DPRX: variants seen among roughly 807,000 people sequenced by gnomAD.
DPRX encodes the protein divergent paired-related homeobox.
DPRX carries 11 observed loss-of-function variants against 8.4 expected under a neutral mutation model. The observed-to-expected ratio is 1.31, with a 90% CI of 0.82 to 2.17. The LOEUF (loss-of-function observed/expected upper bound fraction) is 2.17. Ranked by LOEUF, DPRX falls within the 30% of genes most tolerant of loss-of-function variation. The pLI is 0.00. For synonymous variants in DPRX, 72 were observed against 87.0 expected, an observed-to-expected ratio of 0.83 and a Z score of 0.96; for missense variants, 211 against 236.7, an observed-to-expected ratio of 0.89 and a Z score of 0.71.
the DPRX span, among the ~76,000 whole-genome samples, chr19:53,610,783 T>C: frequency 6.6e-6 from 1 of 152,198 alleles, no homozygotes; most frequent in Non-Finnish European, 1.5e-5. Flanking sequence ...TAGTGTATTT[T>C]ATGTGTACCC....
chr19:53,636,994 A>G (rs1470755152), exon 3 of DPRX: 2 of 1,584,176 alleles, frequency 1.3e-6, no homozygotes, highest in Non-Finnish European at 1.7e-6. Context: ...GATGATAAAT[A>G]CAAAAAGTCA....
chr19:53,616,710 C>T, the DPRX span: 14 of 1,064,714 alleles, frequency 1.3e-5, no homozygotes, highest in African/African-American at 1.7e-4. Context: ...GCCAAGATCG[C>T]ACCATTGCAT....
chr19:53,629,040 G>A (rs2091081286), upstream of DPRX, among the ~76,000 whole-genome samples: 1 of 151,704 alleles, frequency 6.6e-6, no homozygotes, highest in Admixed American at 6.6e-5. Flanking sequence ...GGGGCTTGGC[G>A]CAGTGGCTCA....
the DPRX span, among the ~76,000 whole-genome samples, chr19:53,603,003 A>ATGTGTG: frequency 0.011 from 1,685 of 147,918 alleles, 33 homozygotes; most frequent in African/African-American, 0.04. Context: ...GTGTATATGT[A>ATGTGTG]TGTGTGTGTG....
At chr19:53,615,437 C>G in the DPRX span, among the ~76,000 whole-genome samples, 1 of 151,772 alleles carries the variant, frequency 6.6e-6, no homozygotes, top group Non-Finnish European at 1.5e-5. Context: ...CGTGCCACCA[C>G]GCCTGGCTAA....
At chr19:53,620,585 G>A in the DPRX span, among the ~76,000 whole-genome samples, 7 of 151,016 alleles carry the variant, frequency 4.6e-5, no homozygotes, top group South Asian at 4.2e-4. Context: ...GGCTGGTCTC[G>A]AACTCCTGGC....
chr19:53,624,752 G>A, the DPRX span, among the ~76,000 whole-genome samples: 1 of 145,426 alleles, frequency 6.9e-6, no homozygotes, highest in Non-Finnish European at 1.5e-5. Context: ...TGAGGCACGA[G>A]AATCGCTTGA....
the DPRX span, among the ~76,000 whole-genome samples, chr19:53,620,739 A>G: frequency 4.1e-4 from 63 of 151,966 alleles, 1 homozygote; most frequent in South Asian, 6.7e-3. Context: ...CCCAGGCTGG[A>G]GTGCAGTGGC....
upstream of DPRX, among the ~76,000 whole-genome samples, chr19:53,627,828 A>C (rs972631919): frequency 5.3e-5 from 8 of 151,190 alleles, no homozygotes; most frequent in African/African-American, 1.9e-4. Context: ...AGGCGGGGAG[A>C]TCACTTGCAA....
chr19:53,632,387 A>G (rs1600570550), intron 1 of DPRX, among the ~76,000 whole-genome samples: 1 of 150,946 alleles, frequency 6.6e-6, no homozygotes, highest in Non-Finnish European at 1.5e-5. Flanking sequence ...TGCAACCTCC[A>G]CCTCCCAGGT....
chr19:53,601,934 G>A, the DPRX span: 1 of 436,522 alleles, frequency 2.3e-6, no homozygotes, highest in Non-Finnish European at 4.6e-6. Flanking sequence ...AGAGTATTTA[G>A]AGCTTGAGGC....
At chr19:53,608,727 C>A in the DPRX span, among the ~76,000 whole-genome samples, 102,776 of 151,596 alleles carry the variant, frequency 0.68, 34,993 homozygotes, top group Admixed American at 0.74. Context: ...CTGAGGCGGG[C>A]GGATCACGAG....
chr19:53,617,380 A>G, the DPRX span: 20 of 445,910 alleles, frequency 4.5e-5, no homozygotes, highest in Non-Finnish European at 7.1e-5. Context: ...GCAACATGGT[A>G]AAACCCCATC....
chr19:53,636,516 T>C (rs1272631148), intron 2 of DPRX, 80 bp from the exon 3 acceptor site: 1 of 1,187,180 alleles, frequency 8.4e-7, no homozygotes, highest in Non-Finnish European at 1.1e-6. Flanking sequence ...AAAATAAAAA[T>C]TAAAAAGTAA....
At chr19:53,623,647 C>CA in the DPRX span, among the ~76,000 whole-genome samples, 1 of 142,292 alleles carries the variant, frequency 7.0e-6, no homozygotes. Flanking sequence ...TCAAAAAAAA[C>CA]AAAAAGCCAT....
chr19:53,611,982 G>A, the DPRX span, among the ~76,000 whole-genome samples: 1 of 152,072 alleles, frequency 6.6e-6, no homozygotes, highest in Non-Finnish European at 1.5e-5. Context: ...TACTCGGGAG[G>A]CTGAGACAGG....
At chr19:53,602,793 G>A in the DPRX span, among the ~76,000 whole-genome samples, 84 of 149,788 alleles carry the variant, frequency 5.6e-4, no homozygotes, top group African/African-American at 1.2e-3. Context: ...CCCGGCACCC[G>A]GCCTCCCAGA....
chr19:53,632,002 G>C (rs900233626), upstream of DPRX: 7 of 1,500,260 alleles, frequency 4.7e-6, no homozygotes, highest in African/African-American at 6.9e-5. Context: ...AGGTGGAGGA[G>C]GTGGGAGTCG....
At chr19:53,624,586 T>C in the DPRX span, among the ~76,000 whole-genome samples, 1 of 151,762 alleles carries the variant, frequency 6.6e-6, no homozygotes, top group Non-Finnish European at 1.5e-5. Context: ...CCTTTTGTTT[T>C]GTATTTTTAG....
Sources: gnomAD v4.1 joint callset for allele counts (sites outside exome capture counted in the v4.1 genomes callset) on GRCh38, gnomAD v4.1.1 for gene constraint, MANE v1.5 for transcripts, NCBI Gene and HGNC (gene_info 2026-07-23, HGNC 2026-07-21) for gene names.